The following ZPBP variants were observed in gnomAD, a reference collection of about 807,000 sequenced individuals.
ZPBP encodes the protein zona pellucida binding protein, also known as zona pellucida-binding protein 1.
Under a neutral mutation model 44.8 loss-of-function variants are expected in ZPBP, and 26 were observed. That is an observed-to-expected ratio of 0.58 (90% CI 0.43 to 0.81). The LOEUF is 0.81. ZPBP is among the 30% of genes least tolerant of loss of function. The probability of loss-of-function intolerance (pLI) is 0.00; values close to 1 mark genes in which losing one functional copy is unlikely to be tolerated. For missense variants in ZPBP, 409 were observed against 434.0 expected, an observed-to-expected ratio of 0.94 and a Z score of 0.51; for synonymous variants, 174 against 153.2, an observed-to-expected ratio of 1.14 and a Z score of -1.00.
chr7:49,969,658 A>T (rs116603570), intron 7 of ZPBP, among the ~76,000 whole-genome samples: 1 of 152,128 alleles, frequency 6.6e-6, no homozygotes, highest in African/African-American at 2.4e-5. Flanking sequence ...GTTTCAGCCA[A>T]TCTCTCATAA....
At chr7:49,897,383 A>C (rs1304968839) in intron 2 of ZPBP, among the ~76,000 whole-genome samples, 1 of 152,192 alleles carries the variant, frequency 6.6e-6, no homozygotes, top group Non-Finnish European at 1.5e-5. Flanking sequence ...ACTGCCACAA[A>C]ATTTCTTTTA....
chr7:49,863,689 C>T (rs1015124975), intron 2 of ZPBP, among the ~76,000 whole-genome samples: 13 of 152,154 alleles, frequency 8.5e-5, no homozygotes, highest in Admixed American at 4.6e-4. Flanking sequence ...CCTCAGCCTC[C>T]GAAAGTGCTG....
intron 7 of ZPBP, among the ~76,000 whole-genome samples, chr7:49,941,765 T>G (rs1023921208): frequency 8.6e-5 from 13 of 151,988 alleles, no homozygotes; most frequent in East Asian, 1.9e-4. Flanking sequence ...TTTTTTTTTG[T>G]GAAAAACAAA....
At chr7:49,860,336 A>T (rs944915444) in intron 2 of ZPBP, among the ~76,000 whole-genome samples, 5 of 152,200 alleles carry the variant, frequency 3.3e-5, no homozygotes, top group Non-Finnish European at 5.9e-5. Flanking sequence ...ATTTCACATG[A>T]GTAGACTCAT....
intron 2 of ZPBP, among the ~76,000 whole-genome samples, chr7:49,853,612 G>A (rs144171758): frequency 3.3e-5 from 5 of 151,864 alleles, no homozygotes; most frequent in African/African-American, 9.7e-5. Context: ...GTATGTTTAC[G>A]AACATACTTT....
chr7:49,985,630 A>G (rs2128783684), intron 6 of ZPBP, among the ~76,000 whole-genome samples: 1 of 122,924 alleles, frequency 8.1e-6, no homozygotes, highest in Non-Finnish European at 1.7e-5. Flanking sequence ...TAGGCTTCCT[A>G]ATACCCCATG....
chr7:49,869,143 T>A (rs1278091277), intron 2 of ZPBP, among the ~76,000 whole-genome samples: 1 of 152,320 alleles, frequency 6.6e-6, no homozygotes, highest in East Asian at 1.9e-4. Flanking sequence ...GTTATGTGCT[T>A]AAACACTACA....
intron 1 of ZPBP, chr7:49,919,423 A>G (rs572318505): frequency 4.6e-5 from 7 of 152,270 alleles, no homozygotes; most frequent in Admixed American, 1.3e-4. Context: ...AAATTTTGCC[A>G]TTTTCTGATA....
chr7:49,959,865 A>G (rs1795779015), intron 7 of ZPBP, among the ~76,000 whole-genome samples: 1 of 152,246 alleles, frequency 6.6e-6, no homozygotes, highest in Non-Finnish European at 1.5e-5. Flanking sequence ...ACAGTAATCA[A>G]GATACTTCAG....
At chr7:49,909,801 C>T (rs868492997) in intron 1 of ZPBP, among the ~76,000 whole-genome samples, 1 of 152,068 alleles carries the variant, frequency 6.6e-6, no homozygotes, top group Non-Finnish European at 1.5e-5. Context: ...GAACAGGGGA[C>T]AAGAAGAAAA....
At chr7:49,909,647 A>T (rs113814405) in intron 1 of ZPBP, among the ~76,000 whole-genome samples, 1,846 of 152,302 alleles carry the variant, frequency 0.012, 26 homozygotes, top group African/African-American at 0.033. Context: ...GGTAATGCAG[A>T]TACTGGCCCC....
intron 2 of ZPBP, among the ~76,000 whole-genome samples, chr7:49,863,622 G>C (rs1790758318): frequency 6.6e-6 from 1 of 152,018 alleles, no homozygotes; most frequent in African/African-American, 2.4e-5. Flanking sequence ...TGTAGAGAAG[G>C]GGTCTTGCCA....
chr7:50,077,554 A>C (rs1348014758), intron 3 of ZPBP, among the ~76,000 whole-genome samples: 2 of 151,888 alleles, frequency 1.3e-5, no homozygotes, highest in Non-Finnish European at 3.0e-5. Flanking sequence ...TAGGAAAAAA[A>C]ACTAATAATC....
At chr7:49,980,546 G>A (rs1233218554) in intron 7 of ZPBP, among the ~76,000 whole-genome samples, 3 of 151,420 alleles carry the variant, frequency 2.0e-5, no homozygotes, top group Admixed American at 6.6e-5. Flanking sequence ...TGAGGGCCTC[G>A]GGCTGCTTCC....
chr7:50,048,063 A>G (rs1452634286), intron 4 of ZPBP, among the ~76,000 whole-genome samples: 2 of 152,072 alleles, frequency 1.3e-5, no homozygotes, highest in Non-Finnish European at 2.9e-5. Context: ...CTGAGTGTAG[A>G]TATCTTTCTC....
intron 2 of ZPBP, among the ~76,000 whole-genome samples, chr7:49,872,462 C>T (rs1791197408): frequency 6.6e-6 from 1 of 151,772 alleles, no homozygotes; most frequent in Admixed American, 6.6e-5. Context: ...GTTTAAAACT[C>T]TAAGTGTAGG....
intron 2 of ZPBP, among the ~76,000 whole-genome samples, chr7:50,084,131 C>T (rs2128853901): frequency 6.6e-6 from 1 of 151,934 alleles, no homozygotes; most frequent in African/African-American, 2.4e-5. Context: ...GTAGAGGCAA[C>T]TTAATCTTCA....
At chr7:50,019,855 T>G (rs1799004990) in intron 5 of ZPBP, among the ~76,000 whole-genome samples, 1 of 152,058 alleles carries the variant, frequency 6.6e-6, no homozygotes, top group Admixed American at 6.6e-5. Flanking sequence ...GGTCACAGAC[T>G]TGGGGGAGAA....
intron 7 of ZPBP, among the ~76,000 whole-genome samples, chr7:49,959,022 GTTCAGAA>G (rs1266597150): frequency 6.6e-6 from 1 of 152,088 alleles, no homozygotes; most frequent in African/African-American, 2.4e-5. Context: ...GCAAGTGTTG[GTTCAGAA>G]TTAAAGAGTC....
Sources: allele counts gnomAD v4.1 joint callset (sites outside exome capture counted in the v4.1 genomes callset), GRCh38; gene constraint gnomAD v4.1.1; transcripts MANE v1.5; gene names NCBI Gene and HGNC (gene_info 2026-07-23, HGNC 2026-07-21).